Variants in GLIS3 observed in about 807,000 individuals in gnomAD.
The protein encoded by GLIS3 is GLIS family zinc finger 3.
GLIS3 carries 53 observed loss-of-function variants against 78.6 expected under a neutral mutation model. That is an observed-to-expected ratio of 0.67 (90% CI 0.54 to 0.85). The LOEUF (loss-of-function observed/expected upper bound fraction) is 0.85. Ranked by LOEUF, GLIS3 falls within the 40% of genes least tolerant of loss-of-function variation. The probability of loss-of-function intolerance (pLI) is 0.00; values close to 1 mark genes in which losing one functional copy is unlikely to be tolerated. For synonymous variants in GLIS3, 684 were observed against 509.9 expected (o/e 1.34, Z -4.60); for missense variants, 1,703 against 1,231.1 (o/e 1.38, Z -5.74).
chr9:4,415,607 G>A, the GLIS3 span, among the ~76,000 whole-genome samples: 1 of 152,124 alleles, frequency 6.6e-6, no homozygotes, highest in African/African-American at 2.4e-5. Context: ...ATGCAAGCCT[G>A]AAAAAATTGC....
intron 2 of GLIS3, among the ~76,000 whole-genome samples, chr9:4,324,608 A>C (rs1817576744): frequency 1.3e-5 from 2 of 152,206 alleles, no homozygotes; most frequent in African/African-American, 4.8e-5. Context: ...CAGCAGATTT[A>C]GATTCTGAAA....
At chr9:4,407,436 G>A in the GLIS3 span, among the ~76,000 whole-genome samples, 3 of 152,190 alleles carry the variant, frequency 2.0e-5, no homozygotes, top group African/African-American at 7.2e-5. Context: ...ACGAGGTCAG[G>A]AGATCGAGAC....
At chr9:4,465,429 G>T in the GLIS3 span, among the ~76,000 whole-genome samples, 4 of 152,226 alleles carry the variant, frequency 2.6e-5, no homozygotes, top group African/African-American at 9.6e-5. Context: ...CGCAACTGTA[G>T]TCCCAGCTAC....
the GLIS3 span, among the ~76,000 whole-genome samples, chr9:4,443,154 G>A: frequency 6.6e-6 from 1 of 152,018 alleles, no homozygotes; most frequent in Non-Finnish European, 1.5e-5. Flanking sequence ...TTGTGTCCAG[G>A]CCTCCAACTC....
intron 4 of GLIS3, among the ~76,000 whole-genome samples, chr9:3,964,139 G>C (rs1271933670): frequency 6.6e-6 from 1 of 151,714 alleles, no homozygotes; most frequent in Non-Finnish European, 1.5e-5. Context: ...GCTTCAGGGA[G>C]AGGATGTATT....
chr9:4,230,974 G>A (rs911959255), intron 2 of GLIS3, among the ~76,000 whole-genome samples: 1 of 152,082 alleles, frequency 6.6e-6, no homozygotes, highest in Non-Finnish European at 1.5e-5. Flanking sequence ...TGGGAGACTG[G>A]AGTGGGATGA....
chr9:4,176,775 G>T (rs1017604468), intron 2 of GLIS3, among the ~76,000 whole-genome samples: 2 of 152,054 alleles, frequency 1.3e-5, no homozygotes, highest in Admixed American at 1.3e-4. Flanking sequence ...AGACACCTGC[G>T]ACCACGCCCA....
intron 2 of GLIS3, among the ~76,000 whole-genome samples, chr9:4,181,693 A>C (rs1817339008): frequency 6.6e-6 from 1 of 152,342 alleles, no homozygotes; most frequent in South Asian, 2.1e-4. Context: ...CTTCACTGTG[A>C]GTCTTGCTTT....
chr9:4,329,008 A>G (rs114970591), intron 2 of GLIS3, among the ~76,000 whole-genome samples: 284 of 152,316 alleles, frequency 1.9e-3, no homozygotes, highest in African/African-American at 6.5e-3. Flanking sequence ...CATTTGTTAC[A>G]AAAGGCTTAG....
At chr9:4,361,882 A>T in the GLIS3 span, among the ~76,000 whole-genome samples, 10 of 152,304 alleles carry the variant, frequency 6.6e-5, no homozygotes, top group East Asian at 1.9e-3. Context: ...GACCTTGTAA[A>T]TTGAAGTTTG....
At chr9:4,418,536 T>TA in the GLIS3 span, among the ~76,000 whole-genome samples, 1 of 152,096 alleles carries the variant, frequency 6.6e-6, no homozygotes, top group Non-Finnish European at 1.5e-5. Flanking sequence ...CCGTGTCTAC[T>TA]AAAAATACAA....
At chr9:4,462,182 A>G in the GLIS3 span, among the ~76,000 whole-genome samples, 41 of 152,178 alleles carry the variant, frequency 2.7e-4, no homozygotes, top group Non-Finnish European at 7.3e-5. Flanking sequence ...TTGTCATTTT[A>G]TAAGAAGGAC....
chr9:3,832,168 ATACT>A (rs1338507696), intron 9 of GLIS3, among the ~76,000 whole-genome samples: 1 of 150,616 alleles, frequency 6.6e-6, no homozygotes, highest in African/African-American at 2.4e-5. Context: ...AAATGAGTTA[ATACT>A]TACATATTAT....
intron 3 of GLIS3, among the ~76,000 whole-genome samples, chr9:4,124,497 A>G (rs569794083): frequency 4.5e-4 from 69 of 152,340 alleles, no homozygotes; most frequent in Middle Eastern, 3.4e-3. Context: ...CACCCACCCC[A>G]TGAGCACAGT....
chr9:4,384,027 A>G, the GLIS3 span, among the ~76,000 whole-genome samples: 1 of 152,214 alleles, frequency 6.6e-6, no homozygotes, highest in East Asian at 1.9e-4. Context: ...ATTGGCTGCC[A>G]ATCAGTCATG....
chr9:4,077,221 T>A (rs1828151295), intron 4 of GLIS3, among the ~76,000 whole-genome samples: 1 of 152,222 alleles, frequency 6.6e-6, no homozygotes, highest in South Asian at 2.1e-4. Flanking sequence ...CCTTATAGCT[T>A]AATTTCTAGG....
intron 8 of GLIS3, among the ~76,000 whole-genome samples, chr9:3,868,369 A>AT (rs138007322): frequency 1.7e-4 from 26 of 151,326 alleles, no homozygotes; most frequent in East Asian, 7.8e-4. Context: ...AATGGAAGTA[A>AT]TTTTTTTTTT....
chr9:3,865,901 A>G (rs1820542957), intron 8 of GLIS3, among the ~76,000 whole-genome samples: 2 of 152,234 alleles, frequency 1.3e-5, no homozygotes, highest in Non-Finnish European at 2.9e-5. Context: ...TTTCAAAAAT[A>G]AAACACAGGT....
At chr9:4,159,474 T>C (rs1168989521) in intron 2 of GLIS3, among the ~76,000 whole-genome samples, 1 of 152,198 alleles carries the variant, frequency 6.6e-6, no homozygotes, top group African/African-American at 2.4e-5. Context: ...ATCCCAGCAC[T>C]TTAGGAGCCC....
Sources: gnomAD v4.1 joint callset for allele counts (sites outside exome capture counted in the v4.1 genomes callset) on GRCh38, gnomAD v4.1.1 for gene constraint, MANE v1.5 for transcripts, NCBI Gene and HGNC (gene_info 2026-07-23, HGNC 2026-07-21) for gene names.